The following PLEKHB1 variants were observed in gnomAD, a reference collection of about 807,000 sequenced individuals.
PLEKHB1 encodes pleckstrin homology domain containing B1, also known as pleckstrin homology domain-containing family B member 1.
PLEKHB1 carries 29 observed loss-of-function variants against 36.2 expected under a neutral mutation model. The observed-to-expected ratio is 0.80, with a 90% CI of 0.60 to 1.09. The LOEUF is 1.09. Ranked by LOEUF, PLEKHB1 falls within the 50% of genes least tolerant of loss-of-function variation. PLEKHB1 has a pLI of 0.00. For missense variants in PLEKHB1, 330 were observed against 348.2 expected, an observed-to-expected ratio of 0.95 and a Z score of 0.42; for synonymous variants, 138 against 140.0, an observed-to-expected ratio of 0.99 and a Z score of 0.10.
intron 3 of PLEKHB1, chr11:73,651,353 CAAAAAAAA>C: frequency 2.8e-6 from 1 of 358,934 alleles, no homozygotes; most frequent in Non-Finnish European, 5.3e-6. Context: ...GACCCTGTCT[CAAAAAAAA>C]AAAAAAAAAG....
At chr11:73,658,181 C>T (rs934686031) in intron 6 of PLEKHB1, among the ~76,000 whole-genome samples, 1 of 152,108 alleles carries the variant, frequency 6.6e-6, no homozygotes, top group Non-Finnish European at 1.5e-5. Context: ...CCCAACAGAA[C>T]CTGAGGTTCA....
At chr11:73,650,287 G>A (rs1241601142) in intron 2 of PLEKHB1, among the ~76,000 whole-genome samples, 1 of 152,188 alleles carries the variant, frequency 6.6e-6, no homozygotes, top group African/African-American at 2.4e-5. Context: ...CTGGGGCTTG[G>A]CCTTAGAAGC....
chr11:73,657,655 C>G (rs1206211690), intron 6 of PLEKHB1, among the ~76,000 whole-genome samples: 1 of 152,106 alleles, frequency 6.6e-6, no homozygotes, highest in Non-Finnish European at 1.5e-5. Context: ...GGTGCTCCAC[C>G]CTCTCCAGGG....
chr11:73,653,819 G>A (rs540406729), intron 5 of PLEKHB1, among the ~76,000 whole-genome samples: 118 of 152,254 alleles, frequency 7.8e-4, no homozygotes, highest in African/African-American at 2.7e-3. Context: ...GAGGGAAGGA[G>A]GGTTGGCACG....
intron 1 of PLEKHB1, chr11:73,647,893 C>T (rs921094572): frequency 2.0e-6 from 2 of 983,596 alleles, no homozygotes; most frequent in African/African-American, 1.7e-5. Flanking sequence ...TACGCAGCAA[C>T]AGGTGTGAGC....
At chr11:73,647,798 C>T in intron 1 of PLEKHB1, 3 of 981,104 alleles carry the variant, frequency 3.1e-6, no homozygotes, top group Non-Finnish European at 3.6e-6. Context: ...CTTGTCTGAT[C>T]TGTGTCAAGA....
chr11:73,653,038 T>G (rs1224026353), intron 5 of PLEKHB1, 24 bp downstream of exon 5: 1 of 1,599,866 alleles, frequency 6.3e-7, no homozygotes, highest in Non-Finnish European at 8.5e-7. Flanking sequence ...TCTCTCCCCC[T>G]TTCCCCACCA....
chr11:73,660,896 G>A (rs774162324), intron 7 of PLEKHB1, 44 bp downstream of exon 7: 1 of 1,523,482 alleles, frequency 6.6e-7, no homozygotes, highest in African/African-American at 1.4e-5. Context: ...ATCCAGCACC[G>A]ATTCAGCGCC....
chr11:73,651,643 C>T (rs902450161), intron 3 of PLEKHB1, 145 bp from the exon 4 acceptor site: 3 of 688,342 alleles, frequency 4.4e-6, no homozygotes, highest in Non-Finnish European at 5.2e-6. Context: ...AGTGGAATCC[C>T]TCAGAGAGTA....
chr11:73,647,709 G>T, intron 1 of PLEKHB1: 20 of 985,598 alleles, frequency 2.0e-5, no homozygotes, highest in Non-Finnish European at 2.4e-5. Flanking sequence ...GGCCGCTTAG[G>T]CAGCAACATC....
At chr11:73,650,807 G>T in intron 3 of PLEKHB1, 102 bp downstream of exon 3, 1 of 1,348,554 alleles carries the variant, frequency 7.4e-7, no homozygotes, top group Non-Finnish European at 9.9e-7. Context: ...AGCTTTCAGA[G>T]GCATTTCACA....
At chr11:73,648,584 G>A in intron 1 of PLEKHB1, 1 of 978,130 alleles carries the variant, frequency 1.0e-6, no homozygotes, top group African/African-American at 1.8e-5. Flanking sequence ...AGAATCCCAA[G>A]GTTTCTAATA....
intron 3 of PLEKHB1, 53 bp from the exon 4 acceptor site, chr11:73,651,735 G>T: frequency 7.0e-7 from 1 of 1,437,474 alleles, no homozygotes; most frequent in Non-Finnish European, 9.7e-7. Flanking sequence ...GCTTTACTGG[G>T]GGGACCTGGG....
chr11:73,646,715 G>T, intron 1 of PLEKHB1, 89 bp downstream of exon 1: 1 of 1,379,120 alleles, frequency 7.3e-7, no homozygotes, highest in East Asian at 2.5e-5. Flanking sequence ...AGTCTTTTAG[G>T]CCCTGACATC....
At chr11:73,656,056 T>C in intron 6 of PLEKHB1, 149 bp downstream of exon 6, 2 of 689,876 alleles carry the variant, frequency 2.9e-6, no homozygotes, top group South Asian at 1.7e-5. Flanking sequence ...CTGTACCCTC[T>C]GTCCCCAGCC....
At position 73,646,620 on chromosome 11, in the gene PLEKHB1, A is replaced by G; in HGVS notation, c.12A>G (p.Ala4=). MSP[A]APVPPDSALE... ...GCCACCCAGGAACCATGAGCCCTGCAGCCCCGGTAAGGAAGAGTTCTCTGG... is the reference window on the plus strand; with the variant it reads ...GCCACCCAGGAACCATGAGCCCTGCGGCCCCGGTAAGGAAGAGTTCTCTGG... The change falls in exon 1 of 8, where the codon GCA becomes GCG. Residue 4 remains alanine, a synonymous_variant. Transcript: ENST00000354190. 5 of 1,551,532 alleles carry G rather than the reference A, an allele frequency of 3.2e-6. No homozygotes were observed. The highest frequency in any genetic ancestry group is 4.4e-6 in the Non-Finnish European group (5 of 1,146,984).
intron 7 of PLEKHB1, 36 bp downstream of exon 7, chr11:73,660,888 C>T: frequency 6.5e-7 from 1 of 1,541,976 alleles, no homozygotes; most frequent in Non-Finnish European, 8.8e-7. Flanking sequence ...TTGCCTCGAT[C>T]CAGCACCGAT....
intron 1 of PLEKHB1, chr11:73,648,071 G>T (rs1565326874): frequency 2.6e-6 from 2 of 770,666 alleles, no homozygotes; most frequent in Non-Finnish European, 3.1e-6. Flanking sequence ...TCCTAACAGG[G>T]TTAGAGTGGG....
Position 73,661,735 on chromosome 11 carries a change from A to T in PLEKHB1, c.*133A>T, listed in dbSNP as rs1945129055. On this transcript the variant is annotated 3_prime_UTR_variant, in exon 8 of 8. Transcript: ENST00000354190. The surrounding 1 kb of genome is among the most constrained non-coding windows in gnomAD (Gnocchi z 4.6). The stretch of plus-strand genomic sequence containing the variant: ...CTCCATTAGCTCCTTCCGGGTTTGG[A>T]CCATTCCCCCCACTCCCTACCCTTA... The T allele has an allele frequency of 8.6e-7, 1 of 1,165,470 alleles. No homozygotes were observed. Among genetic ancestry groups the T allele is most frequent in the Non-Finnish European group, 1.2e-6 (1 of 842,738 alleles). The allele number at this position is 1,165,470 out of a possible 1,614,324, so 72.2% of individuals were successfully genotyped here.
Sources: gnomAD v4.1 joint callset for allele counts (sites outside exome capture counted in the v4.1 genomes callset) on GRCh38, gnomAD v4.1.1 for gene constraint, Gnocchi (gnomAD v3.1) non-coding constraint, MANE v1.5 for transcripts, NCBI Gene and HGNC (gene_info 2026-07-23, HGNC 2026-07-21) for gene names.